The following MXRA8 variants were observed in gnomAD, a reference collection of about 807,000 sequenced individuals.
The protein encoded by MXRA8 is matrix remodeling-associated protein 8.
In MXRA8, 44 loss-of-function variants were observed where a neutral mutation model predicts 51.4. The observed-to-expected ratio is 0.86, with a 90% CI of 0.67 to 1.10. MXRA8 has a LOEUF of 1.10. Ranked by LOEUF, MXRA8 falls within the 50% of genes least tolerant of loss-of-function variation. The probability of loss-of-function intolerance (pLI) is 0.00; values close to 1 mark genes in which losing one functional copy is unlikely to be tolerated. For missense variants in MXRA8, 765 were observed against 638.9 expected (o/e 1.20, Z -2.13); for synonymous variants, 369 against 293.5 (o/e 1.26, Z -2.63).
Position 1,355,731 on chromosome 1 carries a change from G to A in MXRA8, c.95C>T (p.Ala32Val). The change falls in exon 3 of 10, where the codon GCT becomes GTT. Residue 32 changes from alanine (A) to valine (V), a missense_variant. Ala to Val is a moderately conservative substitution (Grantham distance 64). Coordinates refer to ENST00000309212, the MANE Select transcript of MXRA8 (RefSeq NM_032348.4). ...LHSGSSVPAA[A>V]GSSVVSESAV... ...GGACTCGGACACCACGGAGCTGCCA[G>A]CAGCGGCGGGTACCGAGGACCCTGG... 7.7e-7 allele frequency: 1 copy of A among 1,303,408 alleles called. No individual in the cohort carries two copies. Among genetic ancestry groups the A allele is most frequent in the South Asian group, 2.2e-5 (1 of 45,800 alleles). 80.7% of individuals were successfully genotyped at this position (1,303,408 alleles called of 1,614,324 possible).
chr1:1,362,898 A>G (rs1250395726), upstream of MXRA8, among the ~76,000 whole-genome samples: 8 of 150,202 alleles, frequency 5.3e-5, no homozygotes, highest in Non-Finnish European at 1.0e-4. Flanking sequence ...CCTGGCCAAC[A>G]TGGTGAAACC....
upstream of MXRA8, chr1:1,361,267 T>A: frequency 1.4e-6 from 1 of 703,502 alleles, no homozygotes. Context: ...GGATCATCGA[T>A]GGCTGAAGAG....
Position 1,355,079 on chromosome 1 carries a change from C to T in MXRA8, c.552G>A (p.Leu184=). Residue 184 remains leucine (L), a synonymous_variant, in exon 5 of 10, where the codon CTG becomes CTA. Transcript: ENST00000309212. ...ACACGTGCCCGCGGTTCACGCAGGT[C>T]AGAAGCGCGGGTGCGCCGCGCGCCA... The part of the protein sequence containing the change: ...LAVARGAPAL[L]TCVNRGHVWT... 2 of 1,573,384 alleles carry T rather than the reference C, an allele frequency of 1.3e-6. No individual in the cohort carries two copies. The highest frequency in any genetic ancestry group is 1.7e-6 in the Non-Finnish European group (2 of 1,167,274).
At position 1,355,293 on chromosome 1, in the gene MXRA8, G is replaced by A. The variant is rs773830657; in HGVS notation, c.429C>T (p.Tyr143=). 1.3e-6 allele frequency: 2 copies of A among 1,579,790 alleles called. No individual in the cohort carries two copies. Among genetic ancestry groups the A allele is most frequent in the Non-Finnish European group, 1.7e-6 (2 of 1,166,458 alleles). Residue 143 remains tyrosine, a synonymous_variant, in exon 4 of 10, where the codon TAC becomes TAT. Transcript: ENST00000309212. ...GLYTCNLHHH[Y]CHLYESLAVR... ...CGGCCAGGCTCTCGTAGAGGTGGCA[G>A]TAGTGATGGTGCAGGTTGCAGGTGT...
At chr1:1,358,185 GC>G (rs1314755142) in intron 1 of MXRA8, among the ~76,000 whole-genome samples, 1 of 152,216 alleles carries the variant, frequency 6.6e-6, no homozygotes, top group Non-Finnish European at 1.5e-5. Context: ...TGCAGGAGGG[GC>G]CCCGAGGGAG....
At chr1:1,361,597 G>T (rs1234194000), upstream of MXRA8, 2 of 440,406 alleles carry the variant, frequency 4.5e-6, no homozygotes, top group African/African-American at 4.0e-5. Flanking sequence ...CTGTGTGTGT[G>T]GTAGGGGGGC....
chr1:1,363,498 A>G (rs1401500653), upstream of MXRA8, among the ~76,000 whole-genome samples: 1 of 151,654 alleles, frequency 6.6e-6, no homozygotes, highest in Non-Finnish European at 1.5e-5. Context: ...CAGTGGTGCA[A>G]TCTCAGAATC....
rs1399968645 is a variant in MXRA8 at position 1,356,717 on chromosome 1, G to A, written c.50-13C>T. The stretch of plus-strand genomic sequence containing the variant: ...AGAACAGCAGAGCCTGGAAGGAGAG[G>A]AGTGAGCTGGAGAGGCCACCCACAG... On this transcript the variant is annotated splice_polypyrimidine_tract_variant and intron_variant, in intron 1 of 9. Coordinates refer to ENST00000309212, the MANE Select transcript of MXRA8 (RefSeq NM_032348.4). 105 of 1,413,796 alleles carry A rather than the reference G, an allele frequency of 7.4e-5. No homozygotes were observed. Among genetic ancestry groups the A allele is most frequent in the Non-Finnish European group, 9.5e-5 (102 of 1,073,920 alleles). 87.6% of individuals were successfully genotyped at this position (1,413,796 alleles called of 1,614,324 possible).
At chr1:1,356,285 C>A (rs1370411764) in intron 2 of MXRA8, among the ~76,000 whole-genome samples, 3 of 116,254 alleles carry the variant, frequency 2.6e-5, no homozygotes, top group African/African-American at 1.0e-4. Context: ...GGCCCAAGGA[C>A]CCTAGTGGGG....
chr1:1,361,107 ACG>A, upstream of MXRA8: 1 of 691,178 alleles, frequency 1.4e-6, no homozygotes, highest in Non-Finnish European at 2.7e-6. Context: ...ACATGGAGAC[ACG>A]CATGCATGCA....
rs1279637195 is a variant in MXRA8 at position 1,354,056 on chromosome 1, A to G, written c.1196T>C (p.Leu399Pro). 4 of 1,612,776 alleles carry G rather than the reference A, an allele frequency of 2.5e-6. No homozygotes were observed. Among genetic ancestry groups the G allele is most frequent in the Non-Finnish European group, 3.4e-6 (4 of 1,179,996 alleles). The change falls in exon 8 of 10, where the codon CTT becomes CCT. Residue 399 changes from leucine (L) to proline (P), a missense_variant. Transcript: ENST00000309212. ...TAGCTGGATGTCCTCACTCCTGTAA[A>G]GCATCTGGTCCCCTGCAGCCACAGC... ...EFAVAAGDQM[L>P]YRSEDIQLDY... is the part of the protein sequence containing the mutation.
At chr1:1,355,191 C>T (rs1243850774) in intron 4 of MXRA8, 39 bp from the exon 5 acceptor site, 1 of 910,394 alleles carries the variant, frequency 1.1e-6, no homozygotes, top group Non-Finnish European at 1.4e-6. Context: ...CGGGCCGGGG[C>T]GGCGGTCGAG....
chr1:1,354,534 G>T (rs1316486396), intron 5 of MXRA8, 25 bp from the exon 6 acceptor site: 2 of 1,607,228 alleles, frequency 1.2e-6, no homozygotes, highest in East Asian at 2.2e-5. Flanking sequence ...GGGTCGGGGC[G>T]GCGTCAGGTA....
At chr1:1,357,015 C>T (rs964188881) in intron 1 of MXRA8, among the ~76,000 whole-genome samples, 1 of 152,146 alleles carries the variant, frequency 6.6e-6, no homozygotes, top group African/African-American at 2.4e-5. Flanking sequence ...CCAAGTCACC[C>T]AGAGCACCAA....
chr1:1,357,436 G>A (rs927784840), intron 1 of MXRA8, among the ~76,000 whole-genome samples: 6 of 151,872 alleles, frequency 4.0e-5, no homozygotes, highest in African/African-American at 1.2e-4. Flanking sequence ...CACATGGACT[G>A]TGCAGCTGCA....
At chr1:1,359,532 A>ACTT (rs1557687055), upstream of MXRA8, 1 of 985,050 alleles carries the variant, frequency 1.0e-6, no homozygotes. Context: ...CTCTCCTTAC[A>ACTT]GGCCCCGAGG....
rs1644081372 is a variant in MXRA8 at position 1,354,667 on chromosome 1, G to A, written c.949+15C>T. On this transcript the variant is annotated intron_variant, in intron 5 of 9. Coordinates refer to ENST00000309212, the MANE Select transcript of MXRA8 (RefSeq NM_032348.4). Reference sequence around the variant, plus strand: ...GGGCTCCCGCCTTCCCGGGTCCCAGGGAGGCCTCCTTCACCTGGGCCTGGG... The same window carrying A: ...GGGCTCCCGCCTTCCCGGGTCCCAGAGAGGCCTCCTTCACCTGGGCCTGGG... 6.4e-7 allele frequency: 1 copy of A among 1,556,400 alleles called. No individual in the cohort carries two copies. Among genetic ancestry groups the A allele is most frequent in the Admixed American group, 1.9e-5 (1 of 51,608 alleles).
chr1:1,360,708 C>T (rs954814547), upstream of MXRA8, among the ~76,000 whole-genome samples: 3 of 152,218 alleles, frequency 2.0e-5, no homozygotes, highest in Non-Finnish European at 4.4e-5. Flanking sequence ...GCTGGCCCCA[C>T]GGCCCGCACT....
intron 8 of MXRA8, 44 bp from the exon 9 acceptor site, chr1:1,353,972 C>G (rs751346870): frequency 1.3e-6 from 2 of 1,560,620 alleles, no homozygotes; most frequent in South Asian, 2.3e-5. Flanking sequence ...CCAGGATGCA[C>G]TTCCCAGCCC....
Sources: gnomAD v4.1 joint callset for allele counts (sites outside exome capture counted in the v4.1 genomes callset) on GRCh38, gnomAD v4.1.1 for gene constraint, MANE v1.5 for transcripts, NCBI Gene and HGNC (gene_info 2026-07-23, HGNC 2026-07-21) for gene names.